The following SRGAP1 variants were observed in gnomAD, a reference collection of about 807,000 sequenced individuals.
SRGAP1 encodes the protein SLIT-ROBO Rho GTPase activating protein 1.
In SRGAP1, 43 loss-of-function variants were observed where a neutral mutation model predicts 121.9. The ratio of observed to expected loss-of-function variants is 0.35; its 90% CI spans 0.28 to 0.46. The LOEUF (loss-of-function observed/expected upper bound fraction) is 0.46, where lower values mean the gene tolerates loss of function less well. Among genes scored for constraint, SRGAP1 ranks in the 20% least tolerant of loss-of-function variants. The pLI, the probability that SRGAP1 is intolerant of heterozygous loss-of-function variation, is 1.00. For synonymous variants in SRGAP1, 447 were observed against 485.4 expected (o/e 0.92, Z 1.04); for missense variants, 1,102 against 1,350.9 (o/e 0.82, Z 2.89).
At chr12:63,993,436 AATT>A (rs1195395868) in intron 3 of SRGAP1, among the ~76,000 whole-genome samples, 1 of 152,194 alleles carries the variant, frequency 6.6e-6, no homozygotes, top group African/African-American at 2.4e-5. Context: ...AATGGAAAGA[AATT>A]ATTAGTGTGA....
At chr12:64,136,765 CCTTTGAGGCATA>C (rs1477667200) in intron 21 of SRGAP1, among the ~76,000 whole-genome samples, 1 of 151,966 alleles carries the variant, frequency 6.6e-6, no homozygotes, top group African/African-American at 2.4e-5. Flanking sequence ...TATGCAAGGC[CCTTTGAGGCATA>C]CTTACAACCA....
intron 21 of SRGAP1, among the ~76,000 whole-genome samples, chr12:64,139,526 G>A (rs1413718977): frequency 5.3e-5 from 8 of 151,924 alleles, no homozygotes; most frequent in Admixed American, 3.3e-4. Flanking sequence ...TTTCTTGGCT[G>A]CATAAATGTC....
intron 18 of SRGAP1, among the ~76,000 whole-genome samples, chr12:64,119,770 C>CTTTTTTTTTT (rs997729181): frequency 9.3e-6 from 1 of 107,444 alleles, no homozygotes; most frequent in Non-Finnish European, 2.0e-5. Flanking sequence ...TTATTTGTTT[C>CTTTTTTTTTT]TTTTTTTTTT....
chr12:63,975,622 C>T lies in SRGAP1; in HGVS notation c.68-8325C>T, dbSNP rs566076644. 2.0e-3 allele frequency among the ~76,000 whole-genome samples: 309 copies of T among 151,838 alleles called. 7 individuals are homozygous for T. The highest frequency in any genetic ancestry group is 6.6e-4 in the Non-Finnish European group (45 of 67,968). On this transcript the variant is annotated intron_variant, in intron 1 of 21. Transcript: ENST00000355086. ...TCTCATAAGATTTCAGAATTTTGTGCGTGTTTTACACTCACAGCACACTTC... is the reference window on the plus strand; with the variant it reads ...TCTCATAAGATTTCAGAATTTTGTGTGTGTTTTACACTCACAGCACACTTC...
chr12:63,936,003 A>T (rs2031648878), intron 1 of SRGAP1, among the ~76,000 whole-genome samples: 1 of 152,228 alleles, frequency 6.6e-6, no homozygotes, highest in Admixed American at 6.5e-5. Flanking sequence ...ATATTCCAAA[A>T]GTTTAATAGT....
chr12:63,883,672 T>TA lies in SRGAP1; in HGVS notation c.67+38789_67+38790insA, dbSNP rs1437652177. ...TCCTTTTTTCTTTTTTCTTTTTTTTTTTTTGAGGCGGATTCTCGCTCTGTC... is the reference window on the plus strand; with the variant it reads ...TCCTTTTTTCTTTTTTCTTTTTTTTTATTTTGAGGCGGATTCTCGCTCTGTC... On this transcript the variant is annotated intron_variant, in intron 1 of 21. Coordinates refer to ENST00000355086, the MANE Select transcript of SRGAP1 (RefSeq NM_020762.4). Among the ~76,000 whole-genome samples, 4 of 151,318 alleles carry TA rather than the reference T, an allele frequency of 2.6e-5. No homozygotes were observed. The South Asian group carries it at 6.3e-4, about 24-fold the overall frequency.
intron 1 of SRGAP1, among the ~76,000 whole-genome samples, chr12:63,950,491 A>G (rs2032252077): frequency 1.3e-5 from 2 of 151,904 alleles, no homozygotes; most frequent in African/African-American, 4.8e-5. Context: ...GTTTTCTGGC[A>G]GGATGATGGC....
chr12:63,986,111 T>C (rs529662749), intron 2 of SRGAP1, among the ~76,000 whole-genome samples: 14 of 151,926 alleles, frequency 9.2e-5, no homozygotes, highest in Non-Finnish European at 1.6e-4. Flanking sequence ...TTTTCTCTCT[T>C]CTCTTTTTTC....
At chr12:63,945,198 G>GT (rs2032004336) in intron 1 of SRGAP1, among the ~76,000 whole-genome samples, 1 of 151,432 alleles carries the variant, frequency 6.6e-6, no homozygotes, top group African/African-American at 2.4e-5. Context: ...TGCCATTAAT[G>GT]TTAATGAATG....
rs1023579591 is a variant in SRGAP1, at chr12:63,877,914, T to G, written c.67+33031T>G. ...TAGAATGTTTACCTGGAGCCAATGA[T>G]GATTGCACACACTGCTGTTACATAG... On this transcript the variant is annotated intron_variant, in intron 1 of 21. Transcript: ENST00000355086. Among the ~76,000 whole-genome samples the G allele has an allele frequency of 2.0e-5, 3 of 152,232 alleles. No homozygotes were observed. The East Asian group carries it at 5.8e-4, about 29-fold the overall frequency.
rs553409516 is a variant in SRGAP1, at chr12:63,889,009, CTACCCA to C, written c.67+44129_67+44134del. Among the ~76,000 whole-genome samples, 11 of 152,324 alleles carry C rather than the reference CTACCCA, an allele frequency of 7.2e-5. No homozygotes were observed. The East Asian group carries it at 1.9e-3, about 27-fold the overall frequency. On this transcript the variant is annotated intron_variant, in intron 1 of 21. Transcript: ENST00000355086. ...CCAGGAGAAACTCACACCCTTAACC[CTACCCA>C]TAGCTGCTGCTTTCCACTTCTTGAG...
intron 1 of SRGAP1, among the ~76,000 whole-genome samples, chr12:63,920,213 C>A (rs979387039): frequency 6.6e-6 from 1 of 152,204 alleles, no homozygotes; most frequent in African/African-American, 2.4e-5. Context: ...TATAACATTG[C>A]ATTGTGGTCT....
chr12:63,929,575 GTT>G (rs1217261573), intron 1 of SRGAP1, among the ~76,000 whole-genome samples: 114 of 137,122 alleles, frequency 8.3e-4, no homozygotes, highest in African/African-American at 2.6e-3. Flanking sequence ...GCCCCCACGA[GTT>G]TTTTTTTTTT....
chr12:63,988,006 A>G (rs1190523654), intron 2 of SRGAP1, among the ~76,000 whole-genome samples: 3 of 152,168 alleles, frequency 2.0e-5, no homozygotes, highest in African/African-American at 7.2e-5. Flanking sequence ...CCAAGATCTC[A>G]TAGCTAGTAA....
At chr12:63,927,915 G>A (rs2031320170) in intron 1 of SRGAP1, among the ~76,000 whole-genome samples, 1 of 152,066 alleles carries the variant, frequency 6.6e-6, no homozygotes, top group Non-Finnish European at 1.5e-5. Flanking sequence ...CAGAGCCAAC[G>A]TGCATTCAAT....
intron 3 of SRGAP1, among the ~76,000 whole-genome samples, chr12:63,997,386 A>G (rs1339411265): frequency 6.6e-6 from 1 of 152,092 alleles, no homozygotes; most frequent in Non-Finnish European, 1.5e-5. Context: ...GAAATTGCCT[A>G]ATGATGCATT....
intron 1 of SRGAP1, among the ~76,000 whole-genome samples, chr12:63,921,456 G>A (rs967511984): frequency 2.6e-5 from 4 of 152,068 alleles, no homozygotes; most frequent in African/African-American, 9.7e-5. Context: ...TTCTCTCTGG[G>A]CATCTCTTTG....
rs2037141644 is a variant in SRGAP1 at position 64,153,719 on chromosome 12, TG to T, written c.*11049del. The T allele has an allele frequency of 6.6e-6, 1 of 152,000 alleles. No homozygotes were observed. The highest frequency in any genetic ancestry group is 2.4e-5 in the African/African-American group (1 of 41,372). The allele number at this position is 152,000 out of a possible 1,614,324, so 9.4% of individuals were successfully genotyped here. On this transcript the variant is annotated 3_prime_UTR_variant, in exon 22 of 22. Transcript: ENST00000355086. Reference sequence around the variant, plus strand: ...GTGCACTGTTGGTGGGAATGTAAAATGGTAGAGCCACTAAGGAAAACAGTGT... The same window carrying T: ...GTGCACTGTTGGTGGGAATGTAAAATGTAGAGCCACTAAGGAAAACAGTGT...
At chr12:64,138,303 C>T (rs1363738602) in intron 21 of SRGAP1, among the ~76,000 whole-genome samples, 2 of 151,944 alleles carry the variant, frequency 1.3e-5, no homozygotes, top group African/African-American at 4.8e-5. Flanking sequence ...GACTTATTTC[C>T]CTTTAAGGGA....
Sources: allele counts gnomAD v4.1 joint callset (sites outside exome capture counted in the v4.1 genomes callset), GRCh38; gene constraint gnomAD v4.1.1; transcripts MANE v1.5; gene names NCBI Gene and HGNC (gene_info 2026-07-23, HGNC 2026-07-21).